Variants in VPS41 observed in about 807,000 individuals in gnomAD.
VPS41 encodes vacuolar protein sorting-associated protein 41 homolog.
In VPS41, 85 loss-of-function variants were observed where a neutral mutation model predicts 130.9. The observed-to-expected ratio is 0.65, with a 90% CI of 0.55 to 0.78. The LOEUF is 0.78. VPS41 is among the 30% of genes least tolerant of loss of function. The pLI, the probability that VPS41 is intolerant of heterozygous loss-of-function variation, is 0.00. For synonymous variants in VPS41, 335 were observed against 332.9 expected (o/e 1.01, Z -0.07); for missense variants, 874 against 1,018.7 (o/e 0.86, Z 1.93).
At chr7:38,748,118 G>T (rs1227608006) in intron 22 of VPS41, among the ~76,000 whole-genome samples, 1 of 152,196 alleles carries the variant, frequency 6.6e-6, no homozygotes, top group Non-Finnish European at 1.5e-5. Flanking sequence ...TAAAAAGAAA[G>T]CATTTAGATT....
chr7:38,800,311 G>A (rs945319817), intron 7 of VPS41, among the ~76,000 whole-genome samples: 6 of 152,264 alleles, frequency 3.9e-5, no homozygotes, highest in South Asian at 4.1e-4. Flanking sequence ...AATAAAATGT[G>A]AATGTGTATT....
chr7:38,785,045 A>C (rs1784415840), intron 10 of VPS41, among the ~76,000 whole-genome samples: 1 of 152,236 alleles, frequency 6.6e-6, no homozygotes, highest in Non-Finnish European at 1.5e-5. Context: ...ATTGTCTTAT[A>C]TTCATTTATG....
intron 2 of VPS41, among the ~76,000 whole-genome samples, chr7:38,889,557 AAC>A (rs1351635587): frequency 2.3e-5 from 3 of 129,442 alleles, no homozygotes; most frequent in Non-Finnish European, 5.3e-5. Flanking sequence ...AACAAAACAA[AAC>A]AAAAAAAAAA....
chr7:38,893,637 A>G (rs1272394016), intron 2 of VPS41, among the ~76,000 whole-genome samples: 2 of 152,256 alleles, frequency 1.3e-5, no homozygotes, highest in African/African-American at 4.8e-5. Context: ...CAGTTTAGTT[A>G]GTCTCAAAAT....
At chr7:38,884,271 C>T (rs1278822122) in intron 2 of VPS41, among the ~76,000 whole-genome samples, 1 of 152,144 alleles carries the variant, frequency 6.6e-6, no homozygotes, top group African/African-American at 2.4e-5. Context: ...GGCTGATGCA[C>T]CTAGAAATTG....
At chr7:38,789,487 A>G (rs1046317135) in intron 10 of VPS41, among the ~76,000 whole-genome samples, 3 of 152,128 alleles carry the variant, frequency 2.0e-5, no homozygotes, top group African/African-American at 7.2e-5. Flanking sequence ...ACAGAGACCA[A>G]GGAGAAGCTT....
At chr7:38,783,117 G>C (rs935862916) in intron 10 of VPS41, among the ~76,000 whole-genome samples, 3 of 151,844 alleles carry the variant, frequency 2.0e-5, no homozygotes, top group African/African-American at 7.3e-5. Flanking sequence ...GATAGAGCGA[G>C]ACTCTGCCTC....
intron 4 of VPS41, among the ~76,000 whole-genome samples, chr7:38,859,041 T>C (rs771161724): frequency 6.6e-6 from 1 of 152,070 alleles, no homozygotes; most frequent in Non-Finnish European, 1.5e-5. Context: ...ATATTGATGA[T>C]CCTGGCCCTG....
intron 22 of VPS41, 60 bp from the exon 23 acceptor site, chr7:38,745,673 TAA>T (rs962120675): frequency 1.9e-5 from 24 of 1,265,888 alleles, no homozygotes; most frequent in Non-Finnish European, 2.7e-5. Context: ...CAAACAGTAA[TAA>T]AGTCATTTAA....
At chr7:38,821,339 A>G in intron 5 of VPS41, 74 bp from the exon 6 acceptor site, 1 of 944,232 alleles carries the variant, frequency 1.1e-6, no homozygotes, top group Non-Finnish European at 1.7e-6. Flanking sequence ...ATGAACACAT[A>G]CTATCAATAA....
At chr7:38,787,932 T>C (rs1450170857) in intron 10 of VPS41, among the ~76,000 whole-genome samples, 1 of 152,204 alleles carries the variant, frequency 6.6e-6, no homozygotes. Context: ...TATCCACATA[T>C]GGTCTATTTC....
intron 20 of VPS41, 34 bp downstream of exon 20, chr7:38,754,861 T>C (rs1449126120): frequency 3.1e-6 from 5 of 1,607,268 alleles, no homozygotes; most frequent in African/African-American, 1.3e-5. Flanking sequence ...CAGACGTTCA[T>C]CTGGTAACAC....
rs116146736 is a variant in VPS41, at chr7:38,805,205, C to A, written c.451-8341G>T. On this transcript the variant is annotated intron_variant, in intron 7 of 28. Coordinates refer to ENST00000310301, the MANE Select transcript of VPS41 (RefSeq NM_014396.4). ...TAATGCAGACAGTTACCTGAAAACA[C>A]GGGTTTATGTATTTGAACAAGCCCT... Among the ~76,000 whole-genome samples the A allele has an allele frequency of 5.5e-3, 832 of 152,240 alleles. 7 individuals carry two copies. The highest frequency in any genetic ancestry group is 0.018 in the African/African-American group (753 of 41,530).
intron 20 of VPS41, 26 bp from the exon 21 acceptor site, chr7:38,754,778 G>C: frequency 8.1e-6 from 13 of 1,606,608 alleles, no homozygotes; most frequent in Non-Finnish European, 1.1e-5. Context: ...AAGTTTCAAG[G>C]TGGAGTCATG....
chr7:38,726,858 C>A, intron 28 of VPS41, 51 bp downstream of exon 28: 1 of 1,447,086 alleles, frequency 6.9e-7, no homozygotes, highest in Non-Finnish European at 9.2e-7. Context: ...GCACATTCCT[C>A]TAAGTGTGTT....
chr7:38,780,767 G>A (rs1291131491), intron 10 of VPS41, among the ~76,000 whole-genome samples: 1 of 152,190 alleles, frequency 6.6e-6, no homozygotes, highest in African/African-American at 2.4e-5. Flanking sequence ...AATCCCCAGT[G>A]TTGGACGAGG....
intron 2 of VPS41, among the ~76,000 whole-genome samples, chr7:38,878,351 T>G (rs1786533802): frequency 1.3e-5 from 2 of 152,194 alleles, no homozygotes; most frequent in South Asian, 4.1e-4. Context: ...TCAGGCTGTT[T>G]CAGTGGCAAG....
At position 38,723,049 on chromosome 7, in the gene VPS41, A is replaced by G. The variant is rs1356846859; in HGVS notation, c.*3197T>C. ...AGCTAAAGAAAATAGTAAGAAAATC[A>G]TAAGGAAAAGAAAATATATTTACTA... On this transcript the variant is annotated 3_prime_UTR_variant, in exon 29 of 29. Transcript: ENST00000310301. 2 of 152,222 alleles carry G rather than the reference A, an allele frequency of 1.3e-5. No homozygotes were observed. The highest frequency in any genetic ancestry group is 2.9e-5 in the Non-Finnish European group (2 of 68,038). The allele number at this position is 152,222 out of a possible 1,614,324, so 9.4% of individuals were successfully genotyped here. A position where few individuals can be genotyped will look rare whatever the true frequency, so the allele number is the denominator to read the frequency against.
At chr7:38,801,813 T>A (rs1187639219) in intron 7 of VPS41, among the ~76,000 whole-genome samples, 1 of 152,238 alleles carries the variant, frequency 6.6e-6, no homozygotes. Flanking sequence ...TCTACTAGTC[T>A]TAATTCTTTC....
Sources: allele counts gnomAD v4.1 joint callset (sites outside exome capture counted in the v4.1 genomes callset), GRCh38; gene constraint gnomAD v4.1.1; transcripts MANE v1.5; gene names NCBI Gene and HGNC (gene_info 2026-07-23, HGNC 2026-07-21).